Variants in GABRB1 observed in about 807,000 individuals in gnomAD.
GABRB1 encodes gamma-aminobutyric acid receptor subunit beta-1.
A neutral mutation model predicts 51.6 loss-of-function variants in GABRB1; 17 were observed. That is an observed-to-expected ratio of 0.33 (90% CI 0.23 to 0.49). The LOEUF (loss-of-function observed/expected upper bound fraction) is 0.49. Ranked by LOEUF, GABRB1 falls within the 20% of genes least tolerant of loss-of-function variation. GABRB1 has a pLI of 0.99. For missense variants in GABRB1, 410 were observed against 600.6 expected, an observed-to-expected ratio of 0.68 and a Z score of 3.32; for synonymous variants, 247 against 218.9, an observed-to-expected ratio of 1.13 and a Z score of -1.14.
intron 3 of GABRB1, among the ~76,000 whole-genome samples, chr4:47,077,935 A>G (rs1560523593): frequency 8.4e-6 from 1 of 119,656 alleles, no homozygotes; most frequent in African/African-American, 3.2e-5. Flanking sequence ...TATATATTAT[A>G]TATTTTATAT....
intron 4 of GABRB1, among the ~76,000 whole-genome samples, chr4:47,175,588 T>G (rs961120676): frequency 6.6e-6 from 1 of 152,188 alleles, no homozygotes. Context: ...GAACCTTATA[T>G]GAAAATAAAA....
At chr4:47,253,205 A>G (rs1356799108) in intron 4 of GABRB1, among the ~76,000 whole-genome samples, 1 of 152,240 alleles carries the variant, frequency 6.6e-6, no homozygotes, top group African/African-American at 2.4e-5. Flanking sequence ...TAATGCAAGA[A>G]GACTGAAAGA....
chr4:47,231,032 G>A (rs1437331432), intron 4 of GABRB1, among the ~76,000 whole-genome samples: 20 of 152,128 alleles, frequency 1.3e-4, no homozygotes, highest in Admixed American at 1.3e-3. Context: ...AGTTCAGTAA[G>A]AAAACAGAAA....
chr4:47,360,581 G>A (rs1344076947), intron 5 of GABRB1, among the ~76,000 whole-genome samples: 4 of 152,050 alleles, frequency 2.6e-5, no homozygotes, highest in Non-Finnish European at 4.4e-5. Flanking sequence ...TTCTGCTATG[G>A]ATTTGATTAT....
chr4:47,154,288 G>A (rs571206929), intron 3 of GABRB1, among the ~76,000 whole-genome samples: 13 of 137,810 alleles, frequency 9.4e-5, no homozygotes, highest in African/African-American at 2.9e-4. Context: ...CCTAAGGGGC[G>A]TTTCTTTTTA....
rs1441252065 is a variant in GABRB1 at position 47,391,903 on chromosome 4, T to C, written c.545-11415T>C. 2.0e-5 allele frequency among the ~76,000 whole-genome samples: 3 copies of C among 152,050 alleles called. No individual in the cohort carries two copies. In the East Asian group the frequency reaches 5.8e-4, roughly 29 times the overall value. ...TTTCTTCAAAGAGCTTATAATATAATGAGGAATAGAGAAGACAAAGGGTAG... is the reference window on the plus strand; with the variant it reads ...TTTCTTCAAAGAGCTTATAATATAACGAGGAATAGAGAAGACAAAGGGTAG... On this transcript the variant is annotated intron_variant, in intron 5 of 8. Transcript: ENST00000295454.
chr4:47,216,493 G>T (rs1361651227), intron 4 of GABRB1, among the ~76,000 whole-genome samples: 3 of 151,744 alleles, frequency 2.0e-5, no homozygotes, highest in Non-Finnish European at 4.4e-5. Context: ...TAGCATCAGG[G>T]CTCTTTGTAA....
At chr4:47,126,811 T>C (rs186523138) in intron 3 of GABRB1, among the ~76,000 whole-genome samples, 16 of 152,138 alleles carry the variant, frequency 1.1e-4, no homozygotes, top group African/African-American at 3.6e-4. Flanking sequence ...ATGCAGATAT[T>C]GAATCATAGA....
rs376358055 is a variant in GABRB1 at position 47,241,254 on chromosome 4, G to A, written c.462-78873G>A. Among the ~76,000 whole-genome samples, 22 of 150,460 alleles carry A rather than the reference G, an allele frequency of 1.5e-4. No homozygotes were observed. In the East Asian group the frequency reaches 1.5e-3, roughly 11 times the overall value. On this transcript the variant is annotated intron_variant, in intron 4 of 8. Transcript: ENST00000295454. ...AAAATTACAATTTTCTTTTTTTTCC[G>A]AAAGTAATTTGGGCTTGGAGGAAAG...
At chr4:47,192,969 A>G (rs1390211273) in intron 4 of GABRB1, among the ~76,000 whole-genome samples, 1 of 152,228 alleles carries the variant, frequency 6.6e-6, no homozygotes, top group Non-Finnish European at 1.5e-5. Context: ...TCACTTGGTT[A>G]AGAAATAAAG....
intron 4 of GABRB1, among the ~76,000 whole-genome samples, chr4:47,285,632 TA>T (rs1723480297): frequency 6.6e-6 from 1 of 152,298 alleles, no homozygotes; most frequent in East Asian, 1.9e-4. Context: ...GCTCTAGTAT[TA>T]AATGGCATAC....
intron 4 of GABRB1, among the ~76,000 whole-genome samples, chr4:47,176,528 T>C (rs1718710303): frequency 6.6e-6 from 1 of 152,118 alleles, no homozygotes; most frequent in Admixed American, 6.6e-5. Context: ...AATGTTATTT[T>C]TGAAATGCCT....
At chr4:47,191,603 C>G (rs901236001) in intron 4 of GABRB1, among the ~76,000 whole-genome samples, 4 of 151,918 alleles carry the variant, frequency 2.6e-5, no homozygotes, top group Non-Finnish European at 1.5e-5. Flanking sequence ...ATTGTTAGTG[C>G]CCTTAGATAA....
At chr4:47,150,646 TATACACAC>T (rs1239441549) in intron 3 of GABRB1, among the ~76,000 whole-genome samples, 1 of 149,032 alleles carries the variant, frequency 6.7e-6, no homozygotes, top group African/African-American at 2.5e-5. Context: ...GCCACATATA[TATACACAC>T]ACACACACAT....
intron 4 of GABRB1, among the ~76,000 whole-genome samples, chr4:47,223,042 A>G (rs1720821210): frequency 1.3e-5 from 2 of 152,148 alleles, no homozygotes; most frequent in Admixed American, 6.6e-5. Flanking sequence ...TTCATAGTCC[A>G]GCAAAGGAGG....
At chr4:47,227,967 CCTCATTTTAACGTAATTAT>C (rs1560594277) in intron 4 of GABRB1, among the ~76,000 whole-genome samples, 1 of 152,104 alleles carries the variant, frequency 6.6e-6, no homozygotes, top group Non-Finnish European at 1.5e-5. Context: ...CATCTAATAG[CCTCATTTTAACGTAATTAT>C]CTCTTTAAAG....
chr4:47,272,007 G>T (rs1158699446), intron 4 of GABRB1, among the ~76,000 whole-genome samples: 8 of 147,094 alleles, frequency 5.4e-5, no homozygotes, highest in South Asian at 2.5e-4. Flanking sequence ...TAATAACTTT[G>T]TTATGTACAT....
At chr4:47,229,789 C>A (rs1443408458) in intron 4 of GABRB1, among the ~76,000 whole-genome samples, 1 of 151,986 alleles carries the variant, frequency 6.6e-6, no homozygotes, top group Non-Finnish European at 1.5e-5. Context: ...GATGAAGGCA[C>A]AAGTTAAGGG....
At chr4:47,379,770 T>C (rs1727529559) in intron 5 of GABRB1, among the ~76,000 whole-genome samples, 1 of 152,188 alleles carries the variant, frequency 6.6e-6, no homozygotes, top group African/African-American at 2.4e-5. Context: ...ACTAAAAGTA[T>C]GAATTAGTAA....
Sources: gnomAD v4.1 joint callset for allele counts (sites outside exome capture counted in the v4.1 genomes callset) on GRCh38, gnomAD v4.1.1 for gene constraint, MANE v1.5 for transcripts, NCBI Gene and HGNC (gene_info 2026-07-23, HGNC 2026-07-21) for gene names.